The following PTP4A2 variants were observed in gnomAD, a reference collection of about 807,000 sequenced individuals.
PTP4A2 encodes protein tyrosine phosphatase 4A2.
In PTP4A2, 2 loss-of-function variants were observed where a neutral mutation model predicts 22.9. That is an observed-to-expected ratio of 0.09 (90% confidence interval 0.04 to 0.27). The LOEUF is 0.27. Among genes scored for constraint, PTP4A2 ranks in the 10% least tolerant of loss-of-function variants. PTP4A2 has a pLI of 1.00. For missense variants in PTP4A2, 103 were observed against 205.1 expected, an observed-to-expected ratio of 0.50 and a Z score of 3.04; for synonymous variants, 68 against 69.1, an observed-to-expected ratio of 0.98 and a Z score of 0.08.
chr1:31,909,930 C>CA (rs1189832767), intron 5 of PTP4A2, 108 bp downstream of exon 5: 15 of 989,156 alleles, frequency 1.5e-5, no homozygotes, highest in Middle Eastern at 3.1e-4. Flanking sequence ...TACTTCAAGC[C>CA]AAAAAAAGCA....
At chr1:31,913,768 A>G (rs1651670914) in intron 3 of PTP4A2, 2 of 455,546 alleles carry the variant, frequency 4.4e-6, no homozygotes, top group South Asian at 3.1e-5. Flanking sequence ...GTTCATTTCT[A>G]TTTCACAAAG....
At chr1:31,929,054 T>C (rs1229103890) in intron 1 of PTP4A2, among the ~76,000 whole-genome samples, 1 of 152,230 alleles carries the variant, frequency 6.6e-6, no homozygotes, top group Non-Finnish European at 1.5e-5. Flanking sequence ...GTTGTCCTTT[T>C]CTAGTAATTT....
rs541781024 is a variant in PTP4A2, at chr1:31,935,726, T to A, written c.-594+2261A>T. On this transcript the variant is annotated intron_variant, in intron 1 of 5. Coordinates refer to ENST00000647444, the MANE Select transcript of PTP4A2 (RefSeq NM_080391.4). ...AATGAAGATACCACCTTTCTTGTAG[T>A]TGTGAGAATTAAATGAATATAAAAA... 2.6e-5 allele frequency: 4 copies of A among 152,362 alleles called. No individual in the cohort carries two copies. The East Asian group carries it at 7.7e-4, about 29-fold the overall frequency. The allele number at this position is 152,362 out of a possible 1,614,324, so 9.4% of individuals were successfully genotyped here. A position where few individuals can be genotyped will look rare whatever the true frequency, so the allele number is the denominator to read the frequency against.
chr1:31,930,195 G>A (rs1042148651), intron 1 of PTP4A2, among the ~76,000 whole-genome samples: 5 of 152,076 alleles, frequency 3.3e-5, no homozygotes, highest in Non-Finnish European at 5.9e-5. Context: ...AAAATTAGCC[G>A]GGCGAGGTGG....
Position 31,908,127 on chromosome 1 carries a change from T to C in PTP4A2, c.*725A>G, listed in dbSNP as rs1225706641. ...ACCACCTGGAAAATATATATATATA[T>C]ATATATATTATATTATATATATATA... On this transcript the variant is annotated 3_prime_UTR_variant, in exon 6 of 6. Coordinates refer to ENST00000647444, the MANE Select transcript of PTP4A2 (RefSeq NM_080391.4). 2 of 354 alleles carry C rather than the reference T, an allele frequency of 5.6e-3. No homozygotes were observed. Among genetic ancestry groups the C allele is most frequent in the African/African-American group, 0.017 (2 of 118 alleles). 0.0% of individuals were successfully genotyped at this position (354 alleles called of 1,614,324 possible).
intron 1 of PTP4A2, among the ~76,000 whole-genome samples, chr1:31,927,445 C>T (rs1416311693): frequency 6.6e-6 from 1 of 152,046 alleles, no homozygotes; most frequent in African/African-American, 2.4e-5. Flanking sequence ...ATCATTTGTA[C>T]GCCAAACCCG....
At chr1:31,932,052 T>C (rs111588766) in intron 1 of PTP4A2, among the ~76,000 whole-genome samples, 312 of 152,296 alleles carry the variant, frequency 2.0e-3, no homozygotes, top group African/African-American at 7.1e-3. Flanking sequence ...GTTGGTCAAA[T>C]TTAAACAAAA....
At position 31,922,746 on chromosome 1, in the gene PTP4A2, G is replaced by A. The variant is rs114204212; in HGVS notation, c.-593-3088C>T. ...TGTCTCAAGCGATCCTCCCACCTCA[G>A]GCTCCTGAGGAGCTGGGAACACAGG... On this transcript the variant is annotated intron_variant, in intron 1 of 5. Coordinates refer to ENST00000647444, the MANE Select transcript of PTP4A2 (RefSeq NM_080391.4). Among the ~76,000 whole-genome samples the A allele has an allele frequency of 9.3e-3, 1,409 of 151,738 alleles. 6 individuals carry two copies. The highest frequency in any genetic ancestry group is 0.016 in the Non-Finnish European group (1,097 of 67,892).
chr1:31,928,353 G>C (rs947403299), intron 1 of PTP4A2, among the ~76,000 whole-genome samples: 1 of 150,822 alleles, frequency 6.6e-6, no homozygotes, highest in Non-Finnish European at 1.5e-5. Flanking sequence ...CACAAATAAG[G>C]ATCCAAAATG....
chr1:31,910,910 T>C (rs1208194386), intron 4 of PTP4A2: 1 of 152,224 alleles, frequency 6.6e-6, no homozygotes, highest in Non-Finnish European at 1.5e-5. Flanking sequence ...TCTATCTTTT[T>C]AAAAAAATTT....
intron 1 of PTP4A2, chr1:31,921,714 C>T (rs936082483): frequency 1.1e-4 from 16 of 152,238 alleles, no homozygotes; most frequent in Non-Finnish European, 1.3e-4. Context: ...TGTAACCAGA[C>T]AGAAATAGGT....
rs1557858828 is a variant in PTP4A2 at position 31,908,135 on chromosome 1, TTATATTATATATA to T, written c.*704_*716del. On this transcript the variant is annotated 3_prime_UTR_variant, in exon 6 of 6. Transcript: ENST00000647444. ...GAAAATATATATATATATATATATA[TTATATTATATATA>T]TATATATATATATATATATATATAT... 48 of 3,962 alleles carry T rather than the reference TTATATTATATATA, an allele frequency of 0.012. 12 individuals carry two copies. The highest frequency in any genetic ancestry group is 0.017 in the Non-Finnish European group (42 of 2,432). 0.2% of individuals were successfully genotyped at this position (3,962 alleles called of 1,614,324 possible). A position where few individuals can be genotyped will look rare whatever the true frequency, so the allele number is the denominator to read the frequency against.
chr1:31,928,856 G>A (rs1305087635), intron 1 of PTP4A2, among the ~76,000 whole-genome samples: 2 of 152,152 alleles, frequency 1.3e-5, no homozygotes, highest in African/African-American at 4.8e-5. Context: ...GTGGGAAAAT[G>A]TCTTAACATT....
rs1162882684 is a variant in PTP4A2 at position 31,907,547 on chromosome 1, G to A, written c.*1305C>T. On this transcript the variant is annotated 3_prime_UTR_variant, in exon 6 of 6. Transcript: ENST00000647444. Reference sequence around the variant, plus strand: ...GGACACATACTCACTAGGCATCATTGTTGGTTTTAAACCAGGGATTTTTTT... The same window carrying A: ...GGACACATACTCACTAGGCATCATTATTGGTTTTAAACCAGGGATTTTTTT... 1 of 151,834 alleles carries A rather than the reference G, an allele frequency of 6.6e-6. No individual in the cohort carries two copies. The highest frequency in any genetic ancestry group is 1.9e-4 in the East Asian group (1 of 5,186). 9.4% of individuals were successfully genotyped at this position (151,834 alleles called of 1,614,324 possible). A position where few individuals can be genotyped will look rare whatever the true frequency, so the allele number is the denominator to read the frequency against.
chr1:31,911,368 C>T, intron 4 of PTP4A2: 1 of 176,224 alleles, frequency 5.7e-6, no homozygotes, highest in South Asian at 1.8e-4. Flanking sequence ...CATCTCAGTC[C>T]AAAATTAACC....
At chr1:31,915,306 T>A (rs546128948) in intron 3 of PTP4A2, among the ~76,000 whole-genome samples, 1 of 152,170 alleles carries the variant, frequency 6.6e-6, no homozygotes, top group Admixed American at 6.5e-5. Flanking sequence ...CTATCAATAA[T>A]GTATTTTCCA....
chr1:31,929,881 A>G (rs1652641868), intron 1 of PTP4A2, among the ~76,000 whole-genome samples: 1 of 152,236 alleles, frequency 6.6e-6, no homozygotes, highest in African/African-American at 2.4e-5. Context: ...ATGTTTTCTG[A>G]GCTATATCAG....
chr1:31,936,038 C>T (rs1652921146), intron 1 of PTP4A2, among the ~76,000 whole-genome samples: 1 of 152,002 alleles, frequency 6.6e-6, no homozygotes, highest in Non-Finnish European at 1.5e-5. Flanking sequence ...ATCCTCCTGC[C>T]TCAGCCTCCC....
intron 3 of PTP4A2, 135 bp downstream of exon 3, chr1:31,915,760 G>A: frequency 1.6e-6 from 1 of 609,134 alleles, no homozygotes; most frequent in Non-Finnish European, 2.9e-6. Context: ...GGCTGGTCTT[G>A]AACTCCTGGG....
Sources: allele counts gnomAD v4.1 joint callset (sites outside exome capture counted in the v4.1 genomes callset), GRCh38; gene constraint gnomAD v4.1.1; transcripts MANE v1.5; gene names NCBI Gene and HGNC (gene_info 2026-07-23, HGNC 2026-07-21).